ENO3: variants seen among roughly 807,000 people sequenced by gnomAD.
The protein encoded by ENO3 is beta-enolase.
In ENO3, 46 loss-of-function variants were observed where a neutral mutation model predicts 47.7. The ratio of observed to expected loss-of-function variants is 0.96; its 90% CI spans 0.76 to 1.23. The LOEUF (loss-of-function observed/expected upper bound fraction) is 1.23. Ranked by LOEUF, ENO3 falls within the 50% of genes most tolerant of loss-of-function variation. The pLI, the probability that ENO3 is intolerant of heterozygous loss-of-function variation, is 0.00. For missense variants in ENO3, 575 were observed against 566.2 expected, an observed-to-expected ratio of 1.02 and a Z score of -0.16; for synonymous variants, 223 against 225.9, an observed-to-expected ratio of 0.99 and a Z score of 0.11.
rs1567670636 is a variant in ENO3 at position 4,952,857 on chromosome 17, A to T, written c.148A>T (p.Arg50Ter). Residue 50 changes from arginine to a stop codon, truncating the protein, a stop_gained, in exon 3 of 12, where the codon AGA becomes TGA. Transcript: ENST00000519602. LOFTEE classifies it high-confidence loss of function. Reference sequence around the variant, plus strand: ...GGGTATCTATGAGGCTCTGGAACTAAGAGACGGAGACAAAGGCCGCTACCT... The same window carrying T: ...GGGTATCTATGAGGCTCTGGAACTATGAGACGGAGACAAAGGCCGCTACCT... ...STGIYEALEL[R>*]DGDKGRYLGK... 11 of 1,612,708 alleles carry T rather than the reference A, an allele frequency of 6.8e-6. No homozygotes were observed. The highest frequency in any genetic ancestry group is 9.3e-6 in the Non-Finnish European group (11 of 1,179,286).
chr17:4,955,104 T>C lies in ENO3; in HGVS notation c.474T>C (p.His158=), dbSNP rs1971675778. 1 of 1,610,302 alleles carries C rather than the reference T, an allele frequency of 6.2e-7. No homozygotes were observed. The change falls in exon 7 of 12, where the codon CAT becomes CAC. Residue 158 remains histidine (H), a synonymous_variant. Transcript: ENST00000519602. The stretch of plus-strand genomic sequence containing the variant: ...TCAATGTGATCAACGGGGGCTCCCA[T>C]GCTGGAAACAAGCTGGCCATGCAGG... The part of the protein sequence containing the change: ...PAFNVINGGS[H]AGNKLAMQEF...
chr17:4,951,363 C>A, intron 1 of ENO3, 181 bp downstream of exon 1: 1 of 905,516 alleles, frequency 1.1e-6, no homozygotes, highest in Non-Finnish European at 1.4e-6. Context: ...ACCGAAGGAT[C>A]TAGGGAAAGG....
chr17:4,953,281 G>A lies in ENO3; in HGVS notation c.250G>A (p.Val84Ile), dbSNP rs570595152. 1.5e-5 allele frequency: 24 copies of A among 1,614,064 alleles called. No individual in the cohort carries two copies. Among genetic ancestry groups the A allele is most frequent in the East Asian group, 6.7e-5 (3 of 44,894 alleles). Reference protein sequence around the residue: ...GPALLQKKLSVVDQEKVDKFM... With the variant: ...GPALLQKKLSIVDQEKVDKFM... ...AAACTCACCCTTCCAGAAACTAAGC[G>A]TTGTGGATCAAGAAAAAGTTGACAA... The change falls in exon 5 of 12, where the codon GTT becomes ATT. Residue 84 changes from valine (V) to isoleucine (I), a missense_variant. Coordinates refer to ENST00000519602, the MANE Select transcript of ENO3 (RefSeq NM_053013.4).
intron 6 of ENO3, 67 bp from the exon 7 acceptor site, chr17:4,955,008 C>T: frequency 1.3e-6 from 2 of 1,496,154 alleles, no homozygotes; most frequent in South Asian, 1.2e-5. Flanking sequence ...CCCAACACCC[C>T]CCGCCCCTGT....
Position 4,956,884 on chromosome 17 carries a change from C to T in ENO3, c.1230C>T (p.Leu410=). The T allele has an allele frequency of 1.2e-6, 2 of 1,614,232 alleles. No homozygotes were observed. Among genetic ancestry groups the T allele is most frequent in the Non-Finnish European group, 1.7e-6 (2 of 1,180,050 alleles). ...RSERLAKYNQ[L]MRIEEALGDK... ...AGCGTCTGGCCAAATACAACCAACT[C>T]ATGAGGTACAGCGGGAACAGTGGGC... The change falls in exon 11 of 12, where the codon CTC becomes CTT. Residue 410 remains leucine (L), a synonymous_variant. Coordinates refer to ENST00000519602, the MANE Select transcript of ENO3 (RefSeq NM_053013.4).
chr17:4,955,746 C>T, intron 8 of ENO3, 142 bp downstream of exon 8: 2 of 1,357,232 alleles, frequency 1.5e-6, no homozygotes, highest in Non-Finnish European at 2.1e-6. Flanking sequence ...GCTCTTCTGC[C>T]CTGTCACCCC....
upstream of ENO3, chr17:4,950,724 A>T (rs1366284677): frequency 1.0e-6 from 1 of 963,360 alleles, no homozygotes; most frequent in Non-Finnish European, 1.2e-6. Flanking sequence ...TGTGGACGTC[A>T]ATCTTGCAGC....
At chr17:4,950,595 C>A (rs557065762), upstream of ENO3, 1 of 985,368 alleles carries the variant, frequency 1.0e-6, no homozygotes, top group African/African-American at 1.7e-5. Flanking sequence ...TAGGATGGGG[C>A]GGCGCCGAGA....
upstream of ENO3, chr17:4,949,260 A>C (rs938068124): frequency 3.3e-5 from 5 of 152,268 alleles, no homozygotes; most frequent in Admixed American, 2.6e-4. Flanking sequence ...CACCGGGGCC[A>C]CTTCTGTCCC....
chr17:4,956,067 G>T lies in ENO3; in HGVS notation c.991G>T (p.Ala331Ser). ...TVTNPKRIAQAVEKKACNCLL... is the reference protein window; with the variant it reads ...TVTNPKRIAQSVEKKACNCLL... The stretch of plus-strand genomic sequence containing the variant: ...CACCAACCCCAAGAGGATTGCCCAG[G>T]CCGTTGAGAAGAAGGCCTGCAACTG... Residue 331 changes from alanine (A) to serine (S), a missense_variant, in exon 9 of 12, where the codon GCC becomes TCC. Physicochemically the swap from Ala to Ser is moderately conservative, Grantham distance 99. Transcript: ENST00000519602. The T allele has an allele frequency of 3.1e-6, 5 of 1,614,028 alleles. No individual in the cohort carries two copies. Among genetic ancestry groups the T allele is most frequent in the Non-Finnish European group, 4.2e-6 (5 of 1,180,018 alleles).
intron 6 of ENO3, among the ~76,000 whole-genome samples, chr17:4,954,863 C>T (rs910724462): frequency 2.7e-5 from 4 of 149,358 alleles, no homozygotes; most frequent in African/African-American, 9.9e-5. Context: ...CGCCATTGCA[C>T]TCCAGCCTGG....
At chr17:4,950,846 G>C (rs1289487253), upstream of ENO3, among the ~76,000 whole-genome samples, 2 of 152,212 alleles carry the variant, frequency 1.3e-5, no homozygotes, top group African/African-American at 2.4e-5. Context: ...ATCCTGGGGT[G>C]GGGGGAGACC....
intron 6 of ENO3, 111 bp downstream of exon 6, chr17:4,953,956 A>G: frequency 6.5e-7 from 1 of 1,530,852 alleles, no homozygotes; most frequent in Non-Finnish European, 8.9e-7. Context: ...CCTAAGAAGC[A>G]GTTTCCTGAA....
chr17:4,956,268 C>T (rs1971730889), intron 9 of ENO3, 125 bp downstream of exon 9: 1 of 1,184,352 alleles, frequency 8.4e-7, no homozygotes, highest in East Asian at 2.6e-5. Flanking sequence ...TTACCCACAC[C>T]TTGATCTCAA....
intron 2 of ENO3, 179 bp downstream of exon 2, chr17:4,952,093 C>G: frequency 1.4e-6 from 1 of 717,350 alleles, no homozygotes. Flanking sequence ...AGGAGTCTCT[C>G]TCTGCACTGC....
rs759839410 is a variant in ENO3 at position 4,956,896 on chromosome 17, C to T, written c.1235+7C>T. On this transcript the variant is annotated splice_region_variant and intron_variant, in intron 11 of 11. Coordinates refer to ENST00000519602, the MANE Select transcript of ENO3 (RefSeq NM_053013.4). Reference sequence around the variant, plus strand: ...AATACAACCAACTCATGAGGTACAGCGGGAACAGTGGGCCTGGGCATTGGG... The same window carrying T: ...AATACAACCAACTCATGAGGTACAGTGGGAACAGTGGGCCTGGGCATTGGG... 40 of 1,614,090 alleles carry T rather than the reference C, an allele frequency of 2.5e-5. No individual in the cohort carries two copies. The East Asian group carries it at 2.7e-4, about 11-fold the overall frequency.
At chr17:4,951,204 T>TG (rs1260868645) in intron 1 of ENO3, 22 bp downstream of exon 1, 1 of 991,092 alleles carries the variant, frequency 1.0e-6, no homozygotes, top group Admixed American at 5.7e-5. Flanking sequence ...CTTCCAGCCC[T>TG]GGGGGTGGAG....
chr17:4,955,044 C>T, intron 6 of ENO3, 31 bp from the exon 7 acceptor site: 1 of 1,580,572 alleles, frequency 6.3e-7, no homozygotes, highest in Non-Finnish European at 8.6e-7. Context: ...CATGCCCCGG[C>T]CCAGGTCCAG....
intron 5 of ENO3, 78 bp from the exon 6 acceptor site, chr17:4,953,634 G>A: frequency 6.2e-7 from 1 of 1,612,216 alleles, no homozygotes; most frequent in Non-Finnish European, 8.5e-7. Context: ...GTGGTTTGGA[G>A]CTCTGGCGTC....
Sources: allele counts gnomAD v4.1 joint callset (sites outside exome capture counted in the v4.1 genomes callset), GRCh38; gene constraint gnomAD v4.1.1; transcripts MANE v1.5; gene names NCBI Gene and HGNC (gene_info 2026-07-23, HGNC 2026-07-21).